Variants in CPNE1 observed in about 807,000 individuals in gnomAD.
CPNE1 encodes copine 1, also known as copine-1.
A neutral mutation model predicts 63.2 loss-of-function variants in CPNE1; 58 were observed. The ratio of observed to expected loss-of-function variants is 0.92; its 90% CI spans 0.74 to 1.14. The LOEUF is 1.14. CPNE1 is among the 50% of genes most tolerant of loss of function. The pLI is 0.00. For missense variants in CPNE1, 672 were observed against 661.7 expected, an observed-to-expected ratio of 1.02 and a Z score of -0.17; for synonymous variants, 237 against 249.0, an observed-to-expected ratio of 0.95 and a Z score of 0.45.
At chr20:35,658,831 AC>A (rs2034063560) in intron 1 of CPNE1, 3 of 640,016 alleles carry the variant, frequency 4.7e-6, no homozygotes, top group African/African-American at 3.8e-5. Flanking sequence ...ACACACACAC[AC>A]ACACACAATA....
In CPNE1 at chr20:35,630,878, A is replaced by G. The variant is rs985227015; in HGVS notation, c.995+23T>C. ...TGAAGCATCTGCAGGGAGCGGGTAT[A>G]GCCCAGAGAAGCAGGTACTCACGAG... is the stretch of plus-strand genomic sequence containing the variant. On this transcript the variant is annotated intron_variant, in intron 11 of 15. Transcript: ENST00000397443. 3.1e-6 allele frequency: 5 copies of G among 1,602,558 alleles called. No homozygotes were observed. In the Admixed American group the frequency reaches 6.8e-5, roughly 22 times the overall value.
In CPNE1 at chr20:35,630,892, G is replaced by C. The variant is rs761019052; in HGVS notation, c.995+9C>G. The stretch of plus-strand genomic sequence containing the variant: ...GGAGCGGGTATAGCCCAGAGAAGCA[G>C]GTACTCACGAGTCATAGTCCTGAAC... On this transcript the variant is annotated intron_variant, in intron 11 of 15. Coordinates refer to ENST00000397443, the MANE Select transcript of CPNE1 (RefSeq NM_152925.3). 1 of 1,603,720 alleles carries C rather than the reference G, an allele frequency of 6.2e-7. No homozygotes were observed. The highest frequency in any genetic ancestry group is 8.5e-7 in the Non-Finnish European group (1 of 1,174,244).
At chr20:35,663,919 C>T (rs529125015) in intron 1 of CPNE1, among the ~76,000 whole-genome samples, 125 of 152,318 alleles carry the variant, frequency 8.2e-4, no homozygotes, top group African/African-American at 2.9e-3. Context: ...ACCCACCCTC[C>T]GCAGCCCACT....
Position 35,631,972 on chromosome 20 carries a change from C to G in CPNE1, c.510G>C (p.Gly170=). The change falls in exon 6 of 16, where the codon GGG becomes GGC. Residue 170 remains glycine (G), a synonymous_variant. Transcript: ENST00000397443. ...PFLEFFRQGD[G]KWHLVYRSEV... is the part of the protein sequence containing the mutation. Reference sequence around the variant, plus strand: ...CAGATCTGTACACCAGGTGCCATTTCCCATCACCCTGGCGGAAGAACTCCA... The same window carrying G: ...CAGATCTGTACACCAGGTGCCATTTGCCATCACCCTGGCGGAAGAACTCCA... 6.2e-7 allele frequency: 1 copy of G among 1,614,042 alleles called. No individual in the cohort carries two copies. Among genetic ancestry groups the G allele is most frequent in the Non-Finnish European group, 8.5e-7 (1 of 1,179,938 alleles).
In CPNE1 at chr20:35,631,744, G is replaced by T. The variant is rs751783616; in HGVS notation, c.571C>A (p.Arg191Ser). The change falls in exon 7 of 16, where the codon CGT (arginine) becomes AGT (serine). Residue 191 changes from arginine (R) to serine (S), a missense_variant. Transcript: ENST00000397443. Reference protein sequence around the residue: ...IKNNLNPTWKRFSVPVQHFCG... With the variant: ...IKNNLNPTWKSFSVPVQHFCG... Reference sequence around the variant, plus strand: ...AAATGCTGAACGGGGACTGAGAAACGCTTCCATGTAGGGTTCAGGTTGTTC... The same window carrying T: ...AAATGCTGAACGGGGACTGAGAAACTCTTCCATGTAGGGTTCAGGTTGTTC... 1.9e-6 allele frequency: 3 copies of T among 1,614,046 alleles called. No individual in the cohort carries two copies. Among genetic ancestry groups the T allele is most frequent in the South Asian group, 1.1e-5 (1 of 91,080 alleles).
At chr20:35,658,802 AACAC>A (rs10542710) in intron 1 of CPNE1, 31,644 of 457,624 alleles carry the variant, frequency 0.069, 39 homozygotes, top group East Asian at 0.16. Flanking sequence ...AGCAAACAAA[AACAC>A]ACACACACAC....
rs949743404 is a variant in CPNE1 at position 35,630,571 on chromosome 20, T to C, written c.1051-81A>G. ...AAAGGACACTGGCGTGTGCCAAGAT[T>C]CCTATAGGAGCTATGGAGTCCTGAG... On this transcript the variant is annotated intron_variant, in intron 12 of 15. Coordinates refer to ENST00000397443, the MANE Select transcript of CPNE1 (RefSeq NM_152925.3). 12 of 1,531,032 alleles carry C rather than the reference T, an allele frequency of 7.8e-6. No homozygotes were observed. In the Admixed American group the frequency reaches 1.0e-4, roughly 13 times the overall value. The allele number at this position is 1,531,032 out of a possible 1,614,324, so 94.8% of individuals were successfully genotyped here. A position where few individuals can be genotyped will look rare whatever the true frequency, so the allele number is the denominator to read the frequency against.
chr20:35,647,931 C>T (rs930784813), intron 1 of CPNE1, among the ~76,000 whole-genome samples: 11 of 149,042 alleles, frequency 7.4e-5, no homozygotes, highest in Admixed American at 2.7e-4. Context: ...CTGGGCTTGG[C>T]GGCACGCACC....
intron 1 of CPNE1, chr20:35,659,152 AAAAG>A (rs1478445229): frequency 6.7e-5 from 31 of 463,232 alleles, no homozygotes; most frequent in African/African-American, 1.4e-4. Flanking sequence ...AAAAAAAAAA[AAAAG>A]AAAGACACCG....
At chr20:35,650,499 T>C (rs1168654400) in intron 1 of CPNE1, 1 of 152,646 alleles carries the variant, frequency 6.6e-6, no homozygotes, top group South Asian at 2.1e-4. Context: ...CTGAAGTTTT[T>C]TGCATTGTCT....
Position 35,632,809 on chromosome 20 carries a change from C to T in CPNE1, c.115G>A (p.Gly39Ser). Reference protein sequence around the residue: ...LCVLLQDVGGGSWAELGRTER... With the variant: ...LCVLLQDVGGSSWAELGRTER... ...ATCCGCCTCACCTCAGCCCAGCTGC[C>T]CCCTCCCACATCCTGTAAAAGGACG... is the stretch of plus-strand genomic sequence containing the variant. Residue 39 changes from glycine (G) to serine (S), a missense_variant, in exon 2 of 16, where the codon GGC (glycine) becomes AGC (serine). Gly to Ser is a moderately conservative substitution (Grantham distance 56). Coordinates refer to ENST00000397443, the MANE Select transcript of CPNE1 (RefSeq NM_152925.3). The T allele has an allele frequency of 5.7e-6, 5 of 872,414 alleles. No homozygotes were observed. Among genetic ancestry groups the T allele is most frequent in the African/African-American group, 1.6e-5 (1 of 61,422 alleles). 54.0% of individuals were successfully genotyped at this position (872,414 alleles called of 1,614,324 possible). A position where few individuals can be genotyped will look rare whatever the true frequency, so the allele number is the denominator to read the frequency against.
chr20:35,632,677 A>C lies in CPNE1; in HGVS notation c.149T>G (p.Val50Gly), dbSNP rs1249424406. The C allele has an allele frequency of 8.9e-7, 1 of 1,120,054 alleles. No individual in the cohort carries two copies. Among genetic ancestry groups the C allele is most frequent in the East Asian group, 2.3e-5 (1 of 42,720 alleles). 69.4% of individuals were successfully genotyped at this position (1,120,054 alleles called of 1,614,324 possible). ...GAACTCAGGGCTTGAGCAGTTCCGC[A>C]CCCGTTCAGTCCGGCCAAGCTGTGG... ...SWAELGRTERVRNCSSPEFSK... is the reference protein window; with the variant it reads ...SWAELGRTERGRNCSSPEFSK... Residue 50 changes from valine to glycine, a missense_variant, in exon 3 of 16, where the codon GTG (valine) becomes GGG (glycine). Transcript: ENST00000397443.
At chr20:35,656,670 G>T (rs538209257) in intron 1 of CPNE1, among the ~76,000 whole-genome samples, 49 of 152,272 alleles carry the variant, frequency 3.2e-4, no homozygotes, top group Admixed American at 2.5e-3. Context: ...AAGTAGCTGG[G>T]ATTACAGGCA....
intron 1 of CPNE1, chr20:35,655,397 G>A (rs2033835990): frequency 7.0e-7 from 1 of 1,427,552 alleles, no homozygotes. Context: ...ATCACACCAA[G>A]TTTTTAGCTA....
chr20:35,658,802 A>AACACACACAC (rs10542710), intron 1 of CPNE1: 69 of 473,568 alleles, frequency 1.5e-4, no homozygotes, highest in African/African-American at 1.2e-3. Context: ...AGCAAACAAA[A>AACACACACAC]ACACACACAC....
chr20:35,627,291 CCT>C lies in CPNE1; in HGVS notation c.1223_1224del (p.Gln408ArgfsTer14). On this transcript the variant is annotated frameshift_variant, in exon 14 of 16. Transcript: ENST00000397443. LOFTEE classifies it high-confidence loss of function. ...VARFAAQAAHQGTASQYFMLL... is the reference protein window; with the variant it reads ...VARFAAQAAHXGTASQYFMLL... Reference sequence around the variant, plus strand: ...CCCACGACTCTCACCGAGGCAGTCCCCTGATGTGCAGCCTGGGCTGCAAACCT... The same window carrying C: ...CCCACGACTCTCACCGAGGCAGTCCCGATGTGCAGCCTGGGCTGCAAACCT... 1 of 1,613,234 alleles carries C rather than the reference CCT, an allele frequency of 6.2e-7. No homozygotes were observed. Among genetic ancestry groups the C allele is most frequent in the Non-Finnish European group, 8.5e-7 (1 of 1,179,670 alleles).
rs373143268 is a variant in CPNE1 at position 35,646,874 on chromosome 20, C to T, written c.1-13951G>A. Among the ~76,000 whole-genome samples, 6 of 152,294 alleles carry T rather than the reference C, an allele frequency of 3.9e-5. No homozygotes were observed. The South Asian group carries it at 1.2e-3, about 32-fold the overall frequency. ...GCAAGCCATTAATTAAGCAAAATGA[C>T]TTGAAACTAGTAAGTTACTAAGATC... On this transcript the variant is annotated intron_variant, in intron 1 of 15. Transcript: ENST00000397443.
At chr20:35,663,064 A>AAC (rs1333937308) in intron 1 of CPNE1, among the ~76,000 whole-genome samples, 1 of 152,222 alleles carries the variant, frequency 6.6e-6, no homozygotes, top group Non-Finnish European at 1.5e-5. Flanking sequence ...GTTTTGTATA[A>AAC]ACACGCCAAA....
At chr20:35,654,598 G>A (rs2033773786) in intron 1 of CPNE1, 12 of 1,614,172 alleles carry the variant, frequency 7.4e-6, no homozygotes, top group Non-Finnish European at 9.3e-6. Flanking sequence ...CGGCATGCCC[G>A]ACATGGGTGG....
Sources: allele counts gnomAD v4.1 joint callset (sites outside exome capture counted in the v4.1 genomes callset), GRCh38; gene constraint gnomAD v4.1.1; transcripts MANE v1.5; gene names NCBI Gene and HGNC (gene_info 2026-07-23, HGNC 2026-07-21).